The following MAP2K5 variants were observed in gnomAD, a reference collection of about 807,000 sequenced individuals.
MAP2K5 encodes the protein mitogen-activated protein kinase kinase 5, also known as dual specificity mitogen-activated protein kinase kinase 5.
A neutral mutation model predicts 83.1 loss-of-function variants in MAP2K5; 49 were observed. That is an observed-to-expected ratio of 0.59 (90% confidence interval 0.47 to 0.75). The LOEUF (loss-of-function observed/expected upper bound fraction) is 0.75. MAP2K5 is among the 30% of genes least tolerant of loss of function. MAP2K5 has a pLI of 0.00. For missense variants in MAP2K5, 457 were observed against 557.5 expected, an observed-to-expected ratio of 0.82 and a Z score of 1.82; for synonymous variants, 202 against 191.8, an observed-to-expected ratio of 1.05 and a Z score of -0.44.
intron 7 of MAP2K5, among the ~76,000 whole-genome samples, chr15:67,599,748 C>A (rs2085612986): frequency 6.7e-6 from 1 of 150,104 alleles, no homozygotes. Flanking sequence ...GAAAAGAACA[C>A]CTTTATTAAA....
At chr15:67,616,226 C>T (rs184923543) in intron 8 of MAP2K5, among the ~76,000 whole-genome samples, 1 of 152,232 alleles carries the variant, frequency 6.6e-6, no homozygotes, top group African/African-American at 2.4e-5. Flanking sequence ...GAAGCATCAT[C>T]TGTAAGTATA....
At chr15:67,762,882 A>G (rs935237025) in intron 19 of MAP2K5, among the ~76,000 whole-genome samples, 7 of 152,034 alleles carry the variant, frequency 4.6e-5, no homozygotes, top group Non-Finnish European at 2.9e-5. Context: ...TCAGGCCTTT[A>G]CCCCGTGGTT....
chr15:67,773,642 G>A (rs551239502), intron 21 of MAP2K5, among the ~76,000 whole-genome samples: 8 of 152,258 alleles, frequency 5.3e-5, no homozygotes, highest in South Asian at 2.1e-4. Flanking sequence ...ATAACAGTAC[G>A]TTTCCTTTTT....
Position 67,658,545 on chromosome 15 carries a change from C to A in MAP2K5, c.737-8C>A, listed in dbSNP as rs763887182. On this transcript the variant is annotated splice_region_variant and splice_polypyrimidine_tract_variant and intron_variant, in intron 11 of 21. Coordinates refer to ENST00000178640, the MANE Select transcript of MAP2K5 (RefSeq NM_145160.3). ...ATTTGTAGTAACATGGCATGTTTAT[C>A]TCTACAGGGGGATCTTTGGATGTAT... 7 of 1,609,144 alleles carry A rather than the reference C, an allele frequency of 4.4e-6. No individual in the cohort carries two copies. In the Admixed American group the frequency reaches 1.0e-4, roughly 23 times the overall value.
At chr15:67,772,325 G>T (rs1006284974) in intron 20 of MAP2K5, among the ~76,000 whole-genome samples, 2 of 152,044 alleles carry the variant, frequency 1.3e-5, no homozygotes, top group African/African-American at 4.8e-5. Context: ...AAAAAAAAAG[G>T]TATATTCTCT....
chr15:67,628,798 T>C, intron 8 of MAP2K5: 1 of 752,200 alleles, frequency 1.3e-6, no homozygotes. Flanking sequence ...GAGGTGTTTT[T>C]AGTGGGAATG....
intron 8 of MAP2K5, among the ~76,000 whole-genome samples, chr15:67,606,646 TTGTGTTTTGCAC>T (rs1478172373): frequency 6.6e-6 from 1 of 152,152 alleles, no homozygotes; most frequent in Non-Finnish European, 1.5e-5. Context: ...GCCTATTAGG[TTGTGTTTTGCAC>T]TTGTGATTTG....
At chr15:67,753,066 T>C (rs1292082526) in intron 19 of MAP2K5, among the ~76,000 whole-genome samples, 1 of 152,202 alleles carries the variant, frequency 6.6e-6, no homozygotes, top group Non-Finnish European at 1.5e-5. Context: ...TGTTTTCTGA[T>C]GAGGATGCCA....
chr15:67,616,151 C>A (rs2086049421), intron 8 of MAP2K5, among the ~76,000 whole-genome samples: 1 of 144,022 alleles, frequency 6.9e-6, no homozygotes, highest in Admixed American at 7.2e-5. Context: ...TACATAAAAG[C>A]AGGGGCTTTT....
At chr15:67,792,578 C>T (rs1801943443) in intron 21 of MAP2K5, among the ~76,000 whole-genome samples, 1 of 152,166 alleles carries the variant, frequency 6.6e-6, no homozygotes, top group African/African-American at 2.4e-5. Flanking sequence ...CCTTTCCTAC[C>T]TGACCTTGCA....
intron 19 of MAP2K5, among the ~76,000 whole-genome samples, chr15:67,761,674 A>G (rs2089951767): frequency 6.6e-6 from 1 of 152,224 alleles, no homozygotes; most frequent in African/African-American, 2.4e-5. Context: ...CGGACCTGCC[A>G]GGTTCCTGTA....
At chr15:67,549,342 C>CT in intron 1 of MAP2K5, 1 of 746,064 alleles carries the variant, frequency 1.3e-6, no homozygotes, top group Non-Finnish European at 2.2e-6. Flanking sequence ...GCTAGATTAA[C>CT]TTTATTTCGG....
intron 2 of MAP2K5, among the ~76,000 whole-genome samples, chr15:67,558,590 A>C (rs950430331): frequency 6.6e-6 from 1 of 152,264 alleles, no homozygotes; most frequent in East Asian, 1.9e-4. Flanking sequence ...ATGCCCTCCA[A>C]GGCTCTGCAT....
chr15:67,784,160 A>G (rs1214544017), intron 21 of MAP2K5, among the ~76,000 whole-genome samples: 1 of 152,190 alleles, frequency 6.6e-6, no homozygotes, highest in Non-Finnish European at 1.5e-5. Flanking sequence ...CACTATAAGG[A>G]TTATTCTTAT....
Position 67,586,844 on chromosome 15 carries a change from A to G in MAP2K5, c.364-2A>G. On this transcript the variant is annotated splice_acceptor_variant, in intron 5 of 21. Transcript: ENST00000178640. LOFTEE classifies it high-confidence loss of function. The stretch of plus-strand genomic sequence containing the variant: ...TGATCAAGATTCTTTCTTTACTTAT[A>G]GGTGAATACTCGGGCCGGACCCTCT... 6.2e-7 allele frequency: 1 copy of G among 1,613,778 alleles called. No individual in the cohort carries two copies. Among genetic ancestry groups the G allele is most frequent in the Non-Finnish European group, 8.5e-7 (1 of 1,179,670 alleles).
chr15:67,776,053 C>A (rs1434926819), intron 21 of MAP2K5, among the ~76,000 whole-genome samples: 1 of 152,086 alleles, frequency 6.6e-6, no homozygotes, highest in Admixed American at 6.5e-5. Context: ...ATAGGGAGGT[C>A]CCTCATCCTT....
intron 21 of MAP2K5, among the ~76,000 whole-genome samples, chr15:67,776,704 G>A (rs1185537180): frequency 6.6e-6 from 1 of 152,214 alleles, no homozygotes; most frequent in East Asian, 1.9e-4. Flanking sequence ...AAAGGGGTAT[G>A]TGAGATATTA....
At chr15:67,641,372 A>G (rs936486571) in intron 9 of MAP2K5, 3 of 421,094 alleles carry the variant, frequency 7.1e-6, no homozygotes, top group Non-Finnish European at 6.7e-6. Flanking sequence ...TTATGTCGCC[A>G]TAGATTAAAT....
At chr15:67,715,423 A>G (rs1486442981) in intron 16 of MAP2K5, among the ~76,000 whole-genome samples, 1 of 152,220 alleles carries the variant, frequency 6.6e-6, no homozygotes, top group African/African-American at 2.4e-5. Context: ...TGAAACTGGC[A>G]GACAAAGTGA....
Sources: allele counts gnomAD v4.1 joint callset (sites outside exome capture counted in the v4.1 genomes callset), GRCh38; gene constraint gnomAD v4.1.1; transcripts MANE v1.5; gene names NCBI Gene and HGNC (gene_info 2026-07-23, HGNC 2026-07-21).